Variants in DENND2B observed in about 807,000 individuals in gnomAD.
The protein encoded by DENND2B is DENN domain containing 2B.
Under a neutral mutation model 116.0 loss-of-function variants are expected in DENND2B, and 32 were observed. That is an observed-to-expected ratio of 0.28 (90% CI 0.21 to 0.37). The LOEUF is 0.37. DENND2B is among the 10% of genes least tolerant of loss of function. The probability of loss-of-function intolerance (pLI) is 1.00; values close to 1 mark genes in which losing one functional copy is unlikely to be tolerated. For missense variants in DENND2B, 1,276 were observed against 1,477.7 expected, an observed-to-expected ratio of 0.86 and a Z score of 2.24; for synonymous variants, 588 against 583.9, an observed-to-expected ratio of 1.01 and a Z score of -0.10.
intron 3 of DENND2B, among the ~76,000 whole-genome samples, chr11:8,852,041 G>T (rs955237963): frequency 6.6e-6 from 1 of 152,206 alleles, no homozygotes; most frequent in African/African-American, 2.4e-5. Context: ...CCCTATAACA[G>T]TTGTTGCTTC....
At chr11:8,853,054 AG>A (rs1273140989) in intron 3 of DENND2B, among the ~76,000 whole-genome samples, 1 of 152,216 alleles carries the variant, frequency 6.6e-6, no homozygotes, top group Non-Finnish European at 1.5e-5. Context: ...CTCATAAGCA[AG>A]ATTGCTGTCT....
At chr11:8,854,016 ATTTT>A (rs71059187) in intron 3 of DENND2B, among the ~76,000 whole-genome samples, 13 of 62,778 alleles carry the variant, frequency 2.1e-4, no homozygotes, top group Admixed American at 5.1e-4. Flanking sequence ...GCCCCAGTTA[ATTTT>A]TTTTTTTTTT....
chr11:8,714,420 T>C (rs917837209), intron 7 of DENND2B, among the ~76,000 whole-genome samples, 190 bp downstream of exon 7: 1 of 152,132 alleles, frequency 6.6e-6, no homozygotes, highest in Non-Finnish European at 1.5e-5. Flanking sequence ...CACACCCACC[T>C]CCCTGCTCAG....
intron 3 of DENND2B, among the ~76,000 whole-genome samples, chr11:8,844,721 A>C (rs1428158507): frequency 2.4e-5 from 2 of 83,834 alleles, no homozygotes; most frequent in Admixed American, 2.4e-4. Flanking sequence ...TATAACCTCA[A>C]TTTTTTATTC....
At position 8,893,477 on chromosome 11, in the gene DENND2B, A is replaced by G. The variant is rs555717348; in HGVS notation, c.-255-12368T>C. On this transcript the variant is annotated intron_variant, in intron 1 of 22. Transcript: ENST00000534127. ...CAAATTGTCCCTGTTTGCAGATGACATGATTGTATGTTTAGAAAACCCCAT... is the reference window on the plus strand; with the variant it reads ...CAAATTGTCCCTGTTTGCAGATGACGTGATTGTATGTTTAGAAAACCCCAT... Among the ~76,000 whole-genome samples, 8 of 152,368 alleles carry G rather than the reference A, an allele frequency of 5.3e-5. No individual in the cohort carries two copies. The East Asian group carries it at 1.2e-3, about 22-fold the overall frequency.
rs368683263 is a variant in DENND2B at position 8,695,249 on chromosome 11, AT to A, written c.3379+213del. On this transcript the variant is annotated intron_variant, in intron 19 of 19. Coordinates refer to ENST00000313726, the MANE Select transcript of DENND2B (RefSeq NM_213618.2). ...GGTATCCTTGGGTATCCAGGAACCA[AT>A]CCCCCACAGATATTGAAGGACCACT... is the stretch of plus-strand genomic sequence containing the variant. Among the ~76,000 whole-genome samples, 68 of 152,236 alleles carry A rather than the reference AT, an allele frequency of 4.5e-4. 1 individual carries two copies. The East Asian group carries it at 9.5e-3, about 21-fold the overall frequency.
chr11:8,890,570 T>C (rs2134742263), intron 1 of DENND2B, among the ~76,000 whole-genome samples: 1 of 152,228 alleles, frequency 6.6e-6, no homozygotes, highest in East Asian at 1.9e-4. Flanking sequence ...CTGAAAACCA[T>C]GGCATGAGAA....
intron 1 of DENND2B, among the ~76,000 whole-genome samples, chr11:8,760,097 G>A (rs539899656): frequency 1.3e-5 from 2 of 152,248 alleles, no homozygotes; most frequent in African/African-American, 2.4e-5. Context: ...ATAAGCAAAA[G>A]GCACAGCCCC....
At chr11:8,907,724 C>T (rs2064256307) in intron 1 of DENND2B, among the ~76,000 whole-genome samples, 1 of 151,900 alleles carries the variant, frequency 6.6e-6, no homozygotes, top group African/African-American at 2.4e-5. Context: ...AAGATAGGTT[C>T]TTACTCTGTT....
chr11:8,748,303 T>C (rs184972042), intron 2 of DENND2B, among the ~76,000 whole-genome samples: 4 of 152,256 alleles, frequency 2.6e-5, no homozygotes, highest in Admixed American at 1.3e-4. Context: ...GGTGCCAAGA[T>C]CATCAATCCA....
At chr11:8,710,804 TC>T in intron 11 of DENND2B, 40 bp downstream of exon 11, 1 of 1,508,648 alleles carries the variant, frequency 6.6e-7, no homozygotes, top group Non-Finnish European at 9.2e-7. Flanking sequence ...CCCTGGCCTA[TC>T]CCCTGCCTGC....
chr11:8,808,246 A>C (rs763012981), intron 1 of DENND2B: 1 of 152,280 alleles, frequency 6.6e-6, no homozygotes, highest in Non-Finnish European at 1.5e-5. Context: ...CCCTTTGCCC[A>C]CTGCAGAGTG....
chr11:8,721,536 C>T (rs1450875441), intron 4 of DENND2B, among the ~76,000 whole-genome samples: 2 of 152,186 alleles, frequency 1.3e-5, no homozygotes, highest in African/African-American at 4.8e-5. Context: ...AGCTGTTTCT[C>T]CTGGTTCTCA....
At chr11:8,738,356 C>T (rs1340094224) in intron 2 of DENND2B, among the ~76,000 whole-genome samples, 2 of 152,180 alleles carry the variant, frequency 1.3e-5, no homozygotes, top group Non-Finnish European at 2.9e-5. Context: ...AGTCGGTTTC[C>T]TTGGCTAGTT....
chr11:8,897,246 G>A (rs746443595), intron 1 of DENND2B, among the ~76,000 whole-genome samples: 14 of 152,182 alleles, frequency 9.2e-5, no homozygotes, highest in Non-Finnish European at 1.5e-4. Context: ...AACAGAGCAC[G>A]ACACCATCTC....
chr11:8,711,673 G>A (rs2043722843), intron 9 of DENND2B, among the ~76,000 whole-genome samples: 1 of 152,080 alleles, frequency 6.6e-6, no homozygotes, highest in Non-Finnish European at 1.5e-5. Flanking sequence ...TTCGAGACCA[G>A]CCTGACCAAC....
At chr11:8,882,109 A>T (rs1458277709) in intron 1 of DENND2B, among the ~76,000 whole-genome samples, 1 of 151,798 alleles carries the variant, frequency 6.6e-6, no homozygotes, top group African/African-American at 2.4e-5. Context: ...TCTAGCTCCG[A>T]CTTCTCTCTT....
rs1392323293 is a variant in DENND2B at position 8,893,636 on chromosome 11, T to G, written c.-255-12527A>C. 2.0e-5 allele frequency among the ~76,000 whole-genome samples: 3 copies of G among 152,180 alleles called. No individual in the cohort carries two copies. The East Asian group carries it at 5.8e-4, about 29-fold the overall frequency. ...ACAGAGAGCCAAATCATGAGTGAAC[T>G]CCCATTCACAACTGCTTCAAAGAGA... is the stretch of plus-strand genomic sequence containing the variant. On this transcript the variant is annotated intron_variant, in intron 1 of 22. Transcript: ENST00000534127.
chr11:8,851,509 T>C (rs889937349), intron 3 of DENND2B, among the ~76,000 whole-genome samples: 1 of 152,318 alleles, frequency 6.6e-6, no homozygotes, highest in East Asian at 1.9e-4. Flanking sequence ...TTGGCAAGAA[T>C]GGCTGGAAAC....
Sources: allele counts gnomAD v4.1 joint callset (sites outside exome capture counted in the v4.1 genomes callset), GRCh38; gene constraint gnomAD v4.1.1; transcripts MANE v1.5; gene names NCBI Gene and HGNC (gene_info 2026-07-23, HGNC 2026-07-21).